CHERP: variants seen among roughly 807,000 people sequenced by gnomAD.
The protein encoded by CHERP is calcium homeostasis endoplasmic reticulum protein, also known as ERPROT 213-21.
Under a neutral mutation model 113.8 loss-of-function variants are expected in CHERP, and 8 were observed. The ratio of observed to expected loss-of-function variants is 0.07; its 90% CI spans 0.04 to 0.13. The LOEUF (loss-of-function observed/expected upper bound fraction) is 0.13, where lower values mean the gene tolerates loss of function less well. Ranked by LOEUF, CHERP falls within the 10% of genes least tolerant of loss-of-function variation. CHERP has a pLI of 1.00. For synonymous variants in CHERP, 559 were observed against 524.5 expected (o/e 1.07, Z -0.90); for missense variants, 884 against 1,298.2 (o/e 0.68, Z 4.90).
intron 12 of CHERP, chr19:16,521,142 A>C (rs1476270008): frequency 1.7e-6 from 1 of 596,854 alleles, no homozygotes; most frequent in Admixed American, 2.9e-5. Flanking sequence ...TGTTCCGCTG[A>C]GGTGGTGGGG....
In CHERP at chr19:16,523,344, G is replaced by A. The variant is rs1447520714; in HGVS notation, c.1742-54C>T. On this transcript the variant is annotated intron_variant, in intron 10 of 16. Transcript: ENST00000546361. The surrounding 1 kb of genome is among the most constrained non-coding windows in gnomAD (Gnocchi z 4.0). ...ACAGGCCAGTCAGGATCTCCCAGGC[G>A]ACAAGTGCTGGAGGGGAGGGGCTCA... 4.4e-6 allele frequency: 7 copies of A among 1,595,824 alleles called. No individual in the cohort carries two copies. The highest frequency in any genetic ancestry group is 4.1e-5 in the African/African-American group (3 of 73,474).
Position 16,529,896 on chromosome 19 carries a change from G to C in CHERP, c.881C>G (p.Thr294Ser). 2 of 1,613,048 alleles carry C rather than the reference G, an allele frequency of 1.2e-6. No individual in the cohort carries two copies. The highest frequency in any genetic ancestry group is 1.7e-5 in the Admixed American group (1 of 59,980). The change falls in exon 8 of 17, where the codon ACC becomes AGC. Residue 294 changes from threonine to serine, a missense_variant. This residue lies in a region of CHERP where 464 missense variants were observed against 590.1 expected (regional missense o/e 0.79). Transcript: ENST00000546361. ...PALGLGQYQATLINEYSSVVQ... is the reference protein window; with the variant it reads ...PALGLGQYQASLINEYSSVVQ... ...CACTGAGGAGTACTCGTTGATGAGG[G>C]TGGCCTGAGAGAGAGAAGAGCACCC...
rs1255512214 is a variant in CHERP at position 16,525,534 on chromosome 19, C to T, written c.1449G>A (p.Gln483=). ...ACTGGCTGTTCCAGGCGGCGTCGGG[C>T]TGGTTGTTCCAGGGCGCGTCGCGCT... is the stretch of plus-strand genomic sequence containing the variant. ...NGQRDAPWNN[Q]PDAAWNSQFE... Residue 483 remains glutamine, a synonymous_variant, in exon 10 of 17, where the codon CAG becomes CAA. Transcript: ENST00000546361. This position sits in a 1 kb window ranked among gnomAD's most constrained non-coding sequence, Gnocchi z 6.5. 2 of 1,547,178 alleles carry T rather than the reference C, an allele frequency of 1.3e-6. No homozygotes were observed. The highest frequency in any genetic ancestry group is 1.2e-5 in the South Asian group (1 of 84,390).
rs536006274 is a variant in CHERP, at chr19:16,519,228, A to G, written c.2682T>C (p.Tyr894=). Residue 894 remains tyrosine, a synonymous_variant, in exon 17 of 17, where the codon TAT becomes TAC. Transcript: ENST00000546361. The surrounding 1 kb of genome is among the most constrained non-coding windows in gnomAD (Gnocchi z 6.0). ...KGVGVALDDP[Y]ENYRRNKSYS... ...AGCTCTTGTTCCTGCGGTAGTTCTC[A>G]TAGGGGTCATCCAGAGCCACGCCCA... 5.0e-5 allele frequency: 80 copies of G among 1,613,140 alleles called. 1 individual carries two copies. In the South Asian group the frequency reaches 8.5e-4, roughly 17 times the overall value.
intron 11 of CHERP, 78 bp from the exon 12 acceptor site, chr19:16,521,732 G>A: frequency 2.2e-6 from 3 of 1,389,248 alleles, no homozygotes; most frequent in African/African-American, 1.5e-5. Flanking sequence ...AAGGAGTGGG[G>A]TCAGGGCAGG....
intron 9 of CHERP, among the ~76,000 whole-genome samples, chr19:16,527,845 C>G (rs1376891790): frequency 6.6e-6 from 1 of 152,242 alleles, no homozygotes; most frequent in Non-Finnish European, 1.5e-5. Flanking sequence ...GTGATCTATA[C>G]TACAGAGAAG....
Position 16,529,961 on chromosome 19 carries a change from C to T in CHERP, c.877-61G>A, listed in dbSNP as rs571163903. 55 of 1,554,388 alleles carry T rather than the reference C, an allele frequency of 3.5e-5. No homozygotes were observed. The South Asian group carries it at 5.7e-4, about 16-fold the overall frequency. On this transcript the variant is annotated intron_variant, in intron 7 of 16. Transcript: ENST00000546361. The stretch of plus-strand genomic sequence containing the variant: ...GGCCTTGGGGCTCGCTGCCTGGCGC[C>T]AGAGGACAAACGCCTGGAAAGCAGC...
At chr19:16,521,398 G>C (rs2085614109) in intron 12 of CHERP, 123 bp downstream of exon 12, 1 of 829,998 alleles carries the variant, frequency 1.2e-6, no homozygotes, top group Non-Finnish European at 1.8e-6. Context: ...CACTCAGGCG[G>C]GGGGAGGGCA....
chr19:16,532,890 G>C lies in CHERP; in HGVS notation c.522+121C>G. The C allele has an allele frequency of 2.6e-6, 4 of 1,511,836 alleles. No homozygotes were observed. In the South Asian group the frequency reaches 5.1e-5, roughly 19 times the overall value. 93.7% of individuals were successfully genotyped at this position (1,511,836 alleles called of 1,614,324 possible). ...GGCACAGGGTCCCACAGCCTCAGGA[G>C]CTCCAGGCGGGAGGGAAGGGCACCC... On this transcript the variant is annotated intron_variant, in intron 4 of 16. Transcript: ENST00000546361. The surrounding 1 kb of genome is among the most constrained non-coding windows in gnomAD (Gnocchi z 4.4).
intron 9 of CHERP, among the ~76,000 whole-genome samples, chr19:16,527,582 T>C (rs941436358): frequency 6.6e-6 from 1 of 152,210 alleles, no homozygotes; most frequent in African/African-American, 2.4e-5. Flanking sequence ...TTCACAGCCA[T>C]GCTGTGCCAC....
chr19:16,525,073 G>GC lies in CHERP; in HGVS notation c.1741+168dup, dbSNP rs1029234511. Reference sequence around the variant, plus strand: ...ATCAGGGCGGCAAAACTGAGTCTGTGCCCCCACTTCCTGAGAACCCAGGCC... The same window carrying GC: ...ATCAGGGCGGCAAAACTGAGTCTGTGCCCCCCACTTCCTGAGAACCCAGGCC... On this transcript the variant is annotated intron_variant, in intron 10 of 16. Coordinates refer to ENST00000546361, the MANE Select transcript of CHERP (RefSeq NM_006387.6). The surrounding 1 kb of genome is among the most constrained non-coding windows in gnomAD (Gnocchi z 6.5). 2.5e-4 allele frequency among the ~76,000 whole-genome samples: 38 copies of GC among 152,166 alleles called. No homozygotes were observed. Among genetic ancestry groups the GC allele is most frequent in the Non-Finnish European group, 5.1e-4 (35 of 68,030 alleles).
intron 2 of CHERP, among the ~76,000 whole-genome samples, chr19:16,538,154 C>T (rs1024876935): frequency 3.3e-5 from 5 of 151,974 alleles, no homozygotes; most frequent in African/African-American, 7.3e-5. Flanking sequence ...GCCAGGTCCC[C>T]GACTCCTCCC....
At position 16,541,860 on chromosome 19, in the gene CHERP, G is replaced by C; in HGVS notation, c.199+10C>G. On this transcript the variant is annotated intron_variant, in intron 2 of 16. Coordinates refer to ENST00000546361, the MANE Select transcript of CHERP (RefSeq NM_006387.6). ...TCGATGGGACGGCCTGAGTGCCGGA[G>C]GGGACTCACGCTGCTGCTGCTCCAG... 1.2e-6 allele frequency: 2 copies of C among 1,610,308 alleles called. No homozygotes were observed. The highest frequency in any genetic ancestry group is 1.7e-6 in the Non-Finnish European group (2 of 1,178,816).
At position 16,530,190 on chromosome 19, in the gene CHERP, C is replaced by T. The variant is rs2085690227; in HGVS notation, c.877-290G>A. Among the ~76,000 whole-genome samples, 1 of 152,238 alleles carries T rather than the reference C, an allele frequency of 6.6e-6. No homozygotes were observed. Among genetic ancestry groups the T allele is most frequent in the African/African-American group, 2.4e-5 (1 of 41,458 alleles). ...CTTCGTGGCTGCTCAGCGAACACTG[C>T]CCACCAACATTCTGGGACACGCTCA... On this transcript the variant is annotated intron_variant, in intron 7 of 16. Transcript: ENST00000546361. This position sits in a 1 kb window ranked among gnomAD's most constrained non-coding sequence, Gnocchi z 4.1.
intron 2 of CHERP, among the ~76,000 whole-genome samples, chr19:16,537,943 T>G (rs1406287059): frequency 2.0e-5 from 3 of 152,166 alleles, no homozygotes; most frequent in Non-Finnish European, 4.4e-5. Flanking sequence ...CACAACAGGT[T>G]AGAAACTTAA....
chr19:16,518,915 A>C lies in CHERP; in HGVS notation c.*244T>G. 1.8e-6 allele frequency: 1 copy of C among 552,976 alleles called. No individual in the cohort carries two copies. Among genetic ancestry groups the C allele is most frequent in the Admixed American group, 3.6e-5 (1 of 27,934 alleles). 34.3% of individuals were successfully genotyped at this position (552,976 alleles called of 1,614,324 possible). On this transcript the variant is annotated 3_prime_UTR_variant, in exon 17 of 17. Coordinates refer to ENST00000546361, the MANE Select transcript of CHERP (RefSeq NM_006387.6). ...TTTTGCTTCGCTATAAAGGAAAACG[A>C]GCCTGGGGCCCTGGTGGCTGCAGCG...
intron 9 of CHERP, among the ~76,000 whole-genome samples, chr19:16,526,613 G>A (rs146984534): frequency 2.6e-5 from 4 of 152,210 alleles, no homozygotes; most frequent in East Asian, 1.9e-4. Flanking sequence ...GATTATAGGC[G>A]CCTGGCACCA....
chr19:16,541,623 A>G (rs1022962048), intron 2 of CHERP: 2 of 447,050 alleles, frequency 4.5e-6, no homozygotes, highest in African/African-American at 2.0e-5. Flanking sequence ...TCTGCAAAAC[A>G]ACAGCAAAAT....
intron 2 of CHERP, chr19:16,541,426 C>T (rs1488967346): frequency 6.4e-6 from 1 of 155,828 alleles, no homozygotes; most frequent in Non-Finnish European, 1.4e-5. Flanking sequence ...AACTAAAACT[C>T]AGAGGGATAA....
Sources: allele counts gnomAD v4.1 joint callset (sites outside exome capture counted in the v4.1 genomes callset), GRCh38; gene constraint gnomAD v4.1.1; regional missense constraint gnomAD v4.1.1; non-coding constraint Gnocchi (gnomAD v3.1); transcripts MANE v1.5; gene names NCBI Gene and HGNC (gene_info 2026-07-23, HGNC 2026-07-21).